The following CCDC92 variants were observed in gnomAD, a reference collection of about 807,000 sequenced individuals.
CCDC92 encodes the protein coiled-coil domain-containing protein 92.
A neutral mutation model predicts 24.9 loss-of-function variants in CCDC92; 12 were observed. The observed-to-expected ratio is 0.48, with a 90% CI of 0.31 to 0.78. CCDC92 has a LOEUF of 0.78. Among genes scored for constraint, CCDC92 ranks in the 30% least tolerant of loss-of-function variants. CCDC92 has a pLI of 0.05. For synonymous variants in CCDC92, 193 were observed against 196.3 expected, an observed-to-expected ratio of 0.98 and a Z score of 0.14; for missense variants, 399 against 439.4, an observed-to-expected ratio of 0.91 and a Z score of 0.82.
At chr12:123,948,474 G>A (rs532927929) in intron 1 of CCDC92, among the ~76,000 whole-genome samples, 1 of 152,344 alleles carries the variant, frequency 6.6e-6, no homozygotes, top group Non-Finnish European at 1.5e-5. Flanking sequence ...ATTATAATGG[G>A]CAGACAGCCT....
At chr12:123,960,705 G>A (rs1885009215) in intron 1 of CCDC92, 2 of 152,186 alleles carry the variant, frequency 1.3e-5, no homozygotes, top group Admixed American at 1.3e-4. Flanking sequence ...AGAAAAACGA[G>A]GACAATGCAG....
chr12:123,969,259 T>G (rs1006630535), intron 1 of CCDC92, among the ~76,000 whole-genome samples: 1 of 152,192 alleles, frequency 6.6e-6, no homozygotes, highest in Non-Finnish European at 1.5e-5. Context: ...GTAATTCTAC[T>G]TCTTGGCTTT....
chr12:123,960,577 G>C (rs1157409028), intron 1 of CCDC92: 2 of 152,196 alleles, frequency 1.3e-5, no homozygotes, highest in African/African-American at 4.8e-5. Context: ...CGTGTCGCAT[G>C]TAAGCTCACG....
In CCDC92 at chr12:123,967,074, CA is replaced by C. The variant is rs1412077962; in HGVS notation, c.-60+5454del. ...AGTCTTACTGTACTAATAAACTTGT[CA>C]AAAACTGACTTGACCGCTTTATTGA... is the stretch of plus-strand genomic sequence containing the variant. On this transcript the variant is annotated intron_variant, in intron 1 of 4. Transcript: ENST00000238156. 6.6e-5 allele frequency among the ~76,000 whole-genome samples: 10 copies of C among 152,218 alleles called. No individual in the cohort carries two copies. The East Asian group carries it at 1.9e-3, about 29-fold the overall frequency.
intron 1 of CCDC92, among the ~76,000 whole-genome samples, chr12:123,947,457 C>T (rs1175606229): frequency 6.6e-6 from 1 of 152,204 alleles, no homozygotes; most frequent in Non-Finnish European, 1.5e-5. Context: ...ACCTTTATGT[C>T]TAGCTCAGGG....
intron 1 of CCDC92, among the ~76,000 whole-genome samples, chr12:123,959,689 G>A (rs757014531): frequency 2.0e-5 from 3 of 152,178 alleles, no homozygotes; most frequent in Non-Finnish European, 4.4e-5. Flanking sequence ...AAAGAACTGA[G>A]GCTCAGAGAT....
chr12:123,959,496 G>T (rs1470783814), intron 1 of CCDC92, among the ~76,000 whole-genome samples: 1 of 152,146 alleles, frequency 6.6e-6, no homozygotes, highest in Non-Finnish European at 1.5e-5. Flanking sequence ...GTAGAGACAA[G>T]GTTTCACCAT....
chr12:123,952,000 A>C (rs895576708), intron 1 of CCDC92, among the ~76,000 whole-genome samples: 1 of 152,228 alleles, frequency 6.6e-6, no homozygotes, highest in African/African-American at 2.4e-5. Flanking sequence ...AAGAGACTGG[A>C]GTGGACAAAC....
intron 1 of CCDC92, among the ~76,000 whole-genome samples, chr12:123,953,001 A>G (rs1002775193): frequency 1.3e-5 from 2 of 152,194 alleles, no homozygotes; most frequent in African/African-American, 4.8e-5. Flanking sequence ...CAACATGAGA[A>G]ATAATCAAAC....
At chr12:123,947,027 G>A (rs549912599) in intron 1 of CCDC92, among the ~76,000 whole-genome samples, 1 of 152,286 alleles carries the variant, frequency 6.6e-6, no homozygotes, top group Non-Finnish European at 1.5e-5. Flanking sequence ...GGCTTGGCGG[G>A]CCCCGCACTC....
chr12:123,952,715 A>G (rs1228926369), intron 1 of CCDC92, among the ~76,000 whole-genome samples: 1 of 152,272 alleles, frequency 6.6e-6, no homozygotes, highest in Non-Finnish European at 1.5e-5. Flanking sequence ...CATTTCAAGG[A>G]AAGGTAAGTA....
chr12:123,956,324 G>GT (rs998518943), intron 1 of CCDC92: 5 of 152,002 alleles, frequency 3.3e-5, no homozygotes, highest in Admixed American at 6.6e-5. Flanking sequence ...TTTCTGTTTT[G>GT]TTTTTTGATG....
At position 123,943,378 on chromosome 12, in the gene CCDC92, G is replaced by A. The variant is rs764055644; in HGVS notation, c.150C>T (p.Ser50=). 29 of 1,613,770 alleles carry A rather than the reference G, an allele frequency of 1.8e-5. No individual in the cohort carries two copies. The highest frequency in any genetic ancestry group is 4.5e-5 in the East Asian group (2 of 44,890). ...AGTGCTGCTGCAGCCGCCTGATCTC[G>A]GAGTGCAGCCCCTTGAGCGTGCTGG... The part of the protein sequence containing the change: ...EHASTLKGLH[S]EIRRLQQHCT... Residue 50 remains serine (S), a synonymous_variant, in exon 3 of 5, where the codon TCC becomes TCT. Transcript: ENST00000238156.
intron 1 of CCDC92, among the ~76,000 whole-genome samples, chr12:123,964,974 C>T (rs1167139047): frequency 6.6e-6 from 1 of 152,136 alleles, no homozygotes; most frequent in Non-Finnish European, 1.5e-5. Flanking sequence ...TACCTAAAAA[C>T]TGATAAAGAA....
Position 123,937,055 on chromosome 12 carries a change from G to T in CCDC92, c.*3C>A. On this transcript the variant is annotated 3_prime_UTR_variant, in exon 5 of 5. Transcript: ENST00000238156. This position sits in a 1 kb window ranked among gnomAD's most constrained non-coding sequence, Gnocchi z 8.4. ...GACAGCGCGGGGTGGGGCACGGCGG[G>T]CTTCACACAGTTCTGTCCGTCCCTG... is the stretch of plus-strand genomic sequence containing the variant. 1 of 1,613,772 alleles carries T rather than the reference G, an allele frequency of 6.2e-7. No homozygotes were observed.
At chr12:123,945,372 T>A (rs989654262) in intron 1 of CCDC92, 2 of 152,122 alleles carry the variant, frequency 1.3e-5, no homozygotes, top group East Asian at 3.9e-4. Flanking sequence ...CAGACACTAG[T>A]TTCTAAGTGG....
At chr12:123,956,315 T>C (rs1233062251) in intron 1 of CCDC92, 2 of 152,224 alleles carry the variant, frequency 1.3e-5, no homozygotes, top group African/African-American at 2.4e-5. Flanking sequence ...AGAGGTTTTT[T>C]TCTGTTTTGT....
At chr12:123,969,462 T>G (rs1882490) in intron 1 of CCDC92, among the ~76,000 whole-genome samples, 1 of 51,052 alleles carries the variant, frequency 2.0e-5, no homozygotes, top group African/African-American at 1.2e-4. Context: ...TCTTATTCAG[T>G]TTTTTTTTTT....
At chr12:123,938,289 G>A (rs1159413623) in intron 4 of CCDC92, among the ~76,000 whole-genome samples, 2 of 152,048 alleles carry the variant, frequency 1.3e-5, no homozygotes, top group Non-Finnish European at 2.9e-5. Context: ...AGAGGTGTGG[G>A]GCTGTCACCT....
Sources: gnomAD v4.1 joint callset for allele counts (sites outside exome capture counted in the v4.1 genomes callset) on GRCh38, gnomAD v4.1.1 for gene constraint, Gnocchi (gnomAD v3.1) non-coding constraint, MANE v1.5 for transcripts, NCBI Gene and HGNC (gene_info 2026-07-23, HGNC 2026-07-21) for gene names.